Variants in IL1RAPL2 observed in about 807,000 individuals in gnomAD.
IL1RAPL2 encodes the protein interleukin 1 receptor accessory protein like 2.
In IL1RAPL2, 3 loss-of-function variants were observed where a neutral mutation model predicts 44.1. That is an observed-to-expected ratio of 0.07 (90% CI 0.03 to 0.18). IL1RAPL2 has a LOEUF of 0.18. IL1RAPL2 is among the 10% of genes least tolerant of loss of function. The pLI, the probability that IL1RAPL2 is intolerant of heterozygous loss-of-function variation, is 1.00. For missense variants in IL1RAPL2, 391 were observed against 496.4 expected (o/e 0.79, Z 2.02); for synonymous variants, 181 against 178.8 (o/e 1.01, Z -0.10).
At chrX:105,387,102 A>G (rs1450831421) in intron 5 of IL1RAPL2, among the ~76,000 whole-genome samples, 1 of 111,510 alleles carries the variant, frequency 9.0e-6, no homozygotes, top group Non-Finnish European at 1.9e-5. Context: ...CATGGATATT[A>G]GTTCATTTGC....
intron 6 of IL1RAPL2, among the ~76,000 whole-genome samples, chrX:105,485,455 C>T (rs1602432972): frequency 9.0e-6 from 1 of 111,148 alleles, no homozygotes; most frequent in Non-Finnish European, 1.9e-5. Context: ...CTTTGTGTTA[C>T]AAGCAGTCCG....
chrX:105,762,457 G>GA (rs1234944989), intron 10 of IL1RAPL2, among the ~76,000 whole-genome samples: 5 of 111,617 alleles, frequency 4.5e-5, no homozygotes, highest in Admixed American at 3.8e-4. Context: ...AGAGACAAAA[G>GA]AAAAAGTTTT....
chrX:105,542,331 G>A (rs2036744678), intron 6 of IL1RAPL2, among the ~76,000 whole-genome samples: 1 of 111,932 alleles, frequency 8.9e-6, no homozygotes, highest in South Asian at 3.7e-4. Context: ...ATAATGTAGG[G>A]CTGTGTGGCA....
intron 2 of IL1RAPL2, among the ~76,000 whole-genome samples, chrX:104,787,667 A>G (rs1381341745): frequency 9.0e-6 from 1 of 111,676 alleles, no homozygotes; most frequent in African/African-American, 3.3e-5. Context: ...CAGTAAGGGG[A>G]AGCCCACTGA....
chrX:105,281,555 A>G (rs749718675), intron 5 of IL1RAPL2, among the ~76,000 whole-genome samples: 11 of 112,179 alleles, frequency 9.8e-5, no homozygotes, highest in Non-Finnish European at 1.9e-4. Flanking sequence ...CCATAAGATT[A>G]TAATACTGTA....
chrX:104,638,901 T>C (rs1423242953), intron 1 of IL1RAPL2, among the ~76,000 whole-genome samples: 1 of 112,184 alleles, frequency 8.9e-6, no homozygotes, highest in African/African-American at 3.2e-5. Context: ...AGTTTAAATA[T>C]AATGTTTCTC....
chrX:105,060,640 C>T (rs2032063666), intron 2 of IL1RAPL2, among the ~76,000 whole-genome samples: 1 of 87,867 alleles, frequency 1.1e-5, no homozygotes, highest in Non-Finnish European at 2.1e-5. Flanking sequence ...CAGGGTAATA[C>T]TGGCCTCATA....
chrX:105,048,951 A>G (rs919625831), intron 2 of IL1RAPL2, among the ~76,000 whole-genome samples: 59 of 111,934 alleles, frequency 5.3e-4, no homozygotes, highest in African/African-American at 1.7e-3. Context: ...TTAGAGAACA[A>G]TGTCTAAATC....
intron 2 of IL1RAPL2, among the ~76,000 whole-genome samples, chrX:104,744,097 T>C (rs1165355849): frequency 9.1e-6 from 1 of 110,346 alleles, no homozygotes; most frequent in Non-Finnish European, 1.9e-5. Context: ...CACAAAGGGA[T>C]GGGTGGCTGG....
At chrX:105,731,566 G>A (rs950908441) in intron 7 of IL1RAPL2, among the ~76,000 whole-genome samples, 8 of 110,959 alleles carry the variant, frequency 7.2e-5, no homozygotes, top group African/African-American at 2.6e-4. Context: ...CAACCTAAGT[G>A]TCCATCAATG....
At chrX:104,631,969 T>C (rs1929661140) in intron 1 of IL1RAPL2, among the ~76,000 whole-genome samples, 1 of 110,861 alleles carries the variant, frequency 9.0e-6, no homozygotes, top group South Asian at 3.8e-4. Flanking sequence ...GTTTTTATGG[T>C]TTTAGGTCTA....
intron 2 of IL1RAPL2, among the ~76,000 whole-genome samples, chrX:105,168,449 G>GTA (rs1556121440): frequency 9.5e-6 from 1 of 105,420 alleles, no homozygotes; most frequent in African/African-American, 3.4e-5. Flanking sequence ...GTGTGTGTGT[G>GTA]TGTGCACGTG....
At chrX:104,693,742 G>A (rs761171165) in intron 2 of IL1RAPL2, among the ~76,000 whole-genome samples, 27 of 112,097 alleles carry the variant, frequency 2.4e-4, no homozygotes, top group Non-Finnish European at 4.3e-4. Flanking sequence ...TTTTGAAAAT[G>A]TTAACTAAGC....
chrX:104,853,699 C>T (rs112419755), intron 2 of IL1RAPL2, among the ~76,000 whole-genome samples: 1 of 108,553 alleles, frequency 9.2e-6, no homozygotes, highest in Non-Finnish European at 1.9e-5. Flanking sequence ...GTCAGGAGAT[C>T]GAGACCATCC....
chrX:105,203,736 T>C (rs782266928), intron 3 of IL1RAPL2, among the ~76,000 whole-genome samples: 2 of 111,760 alleles, frequency 1.8e-5, no homozygotes, highest in Non-Finnish European at 3.8e-5. Flanking sequence ...GATCACTCCC[T>C]TCTTTTTGAT....
At chrX:105,208,499 G>T (rs2033782750) in intron 3 of IL1RAPL2, among the ~76,000 whole-genome samples, 2 of 111,757 alleles carry the variant, frequency 1.8e-5, no homozygotes, top group Non-Finnish European at 3.8e-5. Flanking sequence ...ACACCGAAGA[G>T]TGATCCACCT....
intron 2 of IL1RAPL2, among the ~76,000 whole-genome samples, chrX:104,994,994 G>A (rs890626990): frequency 4.5e-5 from 5 of 110,512 alleles, no homozygotes; most frequent in African/African-American, 1.6e-4. Flanking sequence ...CTCCAAATAC[G>A]CTACTGCCAA....
intron 6 of IL1RAPL2, among the ~76,000 whole-genome samples, chrX:105,700,717 A>G (rs2038112942): frequency 1.8e-5 from 2 of 111,733 alleles, no homozygotes; most frequent in African/African-American, 3.3e-5. Flanking sequence ...GAACTTGTTT[A>G]TTAGACTCTA....
At chrX:104,860,666 T>G (rs1922469018) in intron 2 of IL1RAPL2, among the ~76,000 whole-genome samples, 1 of 111,126 alleles carries the variant, frequency 9.0e-6, no homozygotes, top group Non-Finnish European at 1.9e-5. Context: ...AATACTCCAA[T>G]GAGTATTTCC....
Sources: gnomAD v4.1 joint callset for allele counts (sites outside exome capture counted in the v4.1 genomes callset) on GRCh38, gnomAD v4.1.1 for gene constraint, MANE v1.5 for transcripts, NCBI Gene and HGNC (gene_info 2026-07-23, HGNC 2026-07-21) for gene names.